Variants in R3HCC1L observed in about 807,000 individuals in gnomAD.
The protein encoded by R3HCC1L is coiled-coil domain-containing protein R3HCC1L.
R3HCC1L carries 51 observed loss-of-function variants against 59.9 expected under a neutral mutation model. The observed-to-expected ratio is 0.85, with a 90% CI of 0.68 to 1.07. R3HCC1L has a LOEUF of 1.07. Among genes scored for constraint, R3HCC1L ranks in the 50% least tolerant of loss-of-function variants. R3HCC1L has a pLI of 0.00. For missense variants in R3HCC1L, 965 were observed against 933.0 expected (o/e 1.03, Z -0.45); for synonymous variants, 322 against 315.2 (o/e 1.02, Z -0.23).
At chr10:98,217,990 T>C (rs1256021968) in intron 5 of R3HCC1L, among the ~76,000 whole-genome samples, 1 of 152,160 alleles carries the variant, frequency 6.6e-6, no homozygotes, top group Non-Finnish European at 1.5e-5. Context: ...CTTTTCCAAT[T>C]TGGCAGCTCT....
intron 1 of R3HCC1L, among the ~76,000 whole-genome samples, chr10:98,154,280 T>G (rs1846614860): frequency 6.6e-6 from 1 of 151,718 alleles, no homozygotes; most frequent in Non-Finnish European, 1.5e-5. Flanking sequence ...AGCCTCCCAT[T>G]GGTGTATCCA....
At chr10:98,199,290 A>G (rs1851782199) in intron 4 of R3HCC1L, among the ~76,000 whole-genome samples, 1 of 152,094 alleles carries the variant, frequency 6.6e-6, no homozygotes, top group South Asian at 2.1e-4. Flanking sequence ...AGTATATTAA[A>G]GAGTTTCTTT....
intron 4 of R3HCC1L, among the ~76,000 whole-genome samples, chr10:98,199,557 C>T (rs1002959668): frequency 4.0e-5 from 6 of 151,744 alleles, no homozygotes; most frequent in African/African-American, 1.2e-4. Context: ...TTTCCTGTTT[C>T]AGTTCCTGCT....
intron 1 of R3HCC1L, among the ~76,000 whole-genome samples, chr10:98,137,419 A>C (rs567512745): frequency 1.3e-5 from 2 of 152,332 alleles, no homozygotes; most frequent in East Asian, 3.9e-4. Flanking sequence ...CTGGGTACAA[A>C]TAAAGTTCTC....
chr10:98,208,353 A>G lies in R3HCC1L; in HGVS notation c.239A>G (p.His80Arg), dbSNP rs747984030. 20 of 1,614,046 alleles carry G rather than the reference A, an allele frequency of 1.2e-5. No homozygotes were observed. Among genetic ancestry groups the G allele is most frequent in the Middle Eastern group, 1.6e-4 (1 of 6,084 alleles). Residue 80 changes from histidine to arginine, a missense_variant, in exon 5 of 10, where the codon CAT (histidine) becomes CGT (arginine). His to Arg is a conservative substitution (Grantham distance 29). Coordinates refer to ENST00000298999, the MANE Select transcript of R3HCC1L (RefSeq NM_001351015.2). ...RLNINPDRKE[H>R]NCREEKKSST... ...AATATCAATCCTGATAGAAAGGAGC[A>G]TAATTGTAGAGAAGAAAAGAAATCT... is the stretch of plus-strand genomic sequence containing the variant.
At chr10:98,200,105 G>C (rs1250023894) in intron 4 of R3HCC1L, among the ~76,000 whole-genome samples, 3 of 152,044 alleles carry the variant, frequency 2.0e-5, no homozygotes, top group Non-Finnish European at 4.4e-5. Flanking sequence ...TAGTTGTTGA[G>C]TGGTTTGATT....
At chr10:98,147,882 G>A (rs762376198) in intron 1 of R3HCC1L, among the ~76,000 whole-genome samples, 5 of 152,000 alleles carry the variant, frequency 3.3e-5, no homozygotes, top group Non-Finnish European at 7.4e-5. Context: ...GGATTGCTTT[G>A]GCTATTCAGG....
intron 6 of R3HCC1L, among the ~76,000 whole-genome samples, chr10:98,233,954 T>C (rs150597593): frequency 9.8e-5 from 15 of 152,304 alleles, no homozygotes; most frequent in African/African-American, 3.6e-4. Context: ...TTAAAAAAAT[T>C]GAATAACATC....
chr10:98,172,251 G>A (rs1384795907), intron 4 of R3HCC1L, among the ~76,000 whole-genome samples: 1 of 152,080 alleles, frequency 6.6e-6, no homozygotes, highest in Non-Finnish European at 1.5e-5. Flanking sequence ...GAAATGAACT[G>A]GCTAGTAAAA....
At chr10:98,236,663 A>G (rs1590842125) in intron 9 of R3HCC1L, among the ~76,000 whole-genome samples, 1 of 152,342 alleles carries the variant, frequency 6.6e-6, no homozygotes, top group East Asian at 1.9e-4. Context: ...GAGTGGCTCC[A>G]TTAGAGTACA....
chr10:98,235,604 A>G (rs1292354193), intron 8 of R3HCC1L, 84 bp downstream of exon 8: 18 of 985,972 alleles, frequency 1.8e-5, no homozygotes, highest in South Asian at 4.9e-5. Context: ...CCAGACATCT[A>G]AAGACATATC....
At chr10:98,174,705 A>G (rs1848829129) in intron 4 of R3HCC1L, 1 of 984,178 alleles carries the variant, frequency 1.0e-6, no homozygotes, top group Non-Finnish European at 1.2e-6. Context: ...GTGTCTGAGA[A>G]TGATAGAAGT....
At chr10:98,200,934 C>G (rs1215197548) in intron 4 of R3HCC1L, among the ~76,000 whole-genome samples, 2 of 152,156 alleles carry the variant, frequency 1.3e-5, no homozygotes, top group African/African-American at 4.8e-5. Flanking sequence ...TTTTATAAAT[C>G]TTTAACTTAC....
intron 1 of R3HCC1L, among the ~76,000 whole-genome samples, chr10:98,139,171 T>G (rs1844882367): frequency 6.6e-6 from 1 of 152,200 alleles, no homozygotes; most frequent in Non-Finnish European, 1.5e-5. Flanking sequence ...AAGCTAACTA[T>G]TCACAAATAT....
chr10:98,180,916 A>G (rs1326110038), intron 4 of R3HCC1L, among the ~76,000 whole-genome samples: 2 of 151,956 alleles, frequency 1.3e-5, no homozygotes, highest in East Asian at 1.9e-4. Flanking sequence ...ATCTTCCTCA[A>G]TCCCTTTATT....
intron 4 of R3HCC1L, among the ~76,000 whole-genome samples, chr10:98,196,586 G>A (rs893552455): frequency 2.0e-5 from 3 of 152,018 alleles, no homozygotes; most frequent in African/African-American, 7.2e-5. Context: ...GTAGAGAAAG[G>A]GTTTCTCCTC....
intron 1 of R3HCC1L, among the ~76,000 whole-genome samples, chr10:98,152,234 C>CG (rs1846257225): frequency 6.6e-6 from 1 of 152,252 alleles, no homozygotes; most frequent in African/African-American, 2.4e-5. Context: ...GGATTGCAGA[C>CG]GGAGTCTTGT....
Position 98,231,620 on chromosome 10 carries a change from A to G in R3HCC1L, c.1894A>G (p.Ile632Val), listed in dbSNP as rs757237988. ...CAGTGATTGTGAATTCCCACATGTC[A>G]TTGAAATTTATGACTTTCCCCAAGA... ...DLSDCEFPHV[I>V]EIYDFPQEFH... is the part of the protein sequence containing the mutation. Residue 632 changes from isoleucine (I) to valine (V), a missense_variant, in exon 6 of 10, where the codon ATT becomes GTT. Coordinates refer to ENST00000298999, the MANE Select transcript of R3HCC1L (RefSeq NM_001351015.2). 5.6e-6 allele frequency: 9 copies of G among 1,612,654 alleles called. No individual in the cohort carries two copies. Among genetic ancestry groups the G allele is most frequent in the Non-Finnish European group, 7.6e-6 (9 of 1,178,890 alleles).
intron 1 of R3HCC1L, among the ~76,000 whole-genome samples, chr10:98,152,925 C>T (rs13400603): frequency 0.49 from 73,539 of 149,548 alleles, 18,450 homozygotes; most frequent in African/African-American, 0.59. Flanking sequence ...CCCGGCCAGT[C>T]GCCCTGTCCG....
Sources: gnomAD v4.1 joint callset for allele counts (sites outside exome capture counted in the v4.1 genomes callset) on GRCh38, gnomAD v4.1.1 for gene constraint, MANE v1.5 for transcripts, NCBI Gene and HGNC (gene_info 2026-07-23, HGNC 2026-07-21) for gene names.